The following SPIDR variants were observed in gnomAD, a reference collection of about 807,000 sequenced individuals.
The protein encoded by SPIDR is scaffold protein involved in DNA repair, also known as DNA repair-scaffolding protein.
A neutral mutation model predicts 104.6 loss-of-function variants in SPIDR; 93 were observed. That is an observed-to-expected ratio of 0.89 (90% CI 0.75 to 1.06). The LOEUF is 1.06. SPIDR is among the 50% of genes least tolerant of loss of function. The pLI is 0.00. For missense variants in SPIDR, 1,154 were observed against 1,111.2 expected (o/e 1.04, Z -0.55); for synonymous variants, 431 against 416.9 (o/e 1.03, Z -0.41).
chr8:47,321,727 G>T (rs528116140), intron 5 of SPIDR, among the ~76,000 whole-genome samples: 1 of 152,160 alleles, frequency 6.6e-6, no homozygotes. Flanking sequence ...AAACTGCATG[G>T]TACTGGTACC....
At position 47,610,897 on chromosome 8, in the gene SPIDR, T is replaced by C. The variant is rs1723649965; in HGVS notation, c.1544+11701T>C. 3.9e-5 allele frequency among the ~76,000 whole-genome samples: 6 copies of C among 152,356 alleles called. No individual in the cohort carries two copies. The South Asian group carries it at 1.2e-3, about 32-fold the overall frequency. On this transcript the variant is annotated intron_variant, in intron 10 of 19. Transcript: ENST00000297423. ...GAGACTAACAACCAGGTATTAAACA[T>C]TGCACTGATACTTGTCATTGCCTTC...
chr8:47,485,073 G>GGGGTC (rs1233301663), intron 8 of SPIDR, among the ~76,000 whole-genome samples: 1 of 152,248 alleles, frequency 6.6e-6, no homozygotes, highest in Non-Finnish European at 1.5e-5. Flanking sequence ...GGAAGTGCAA[G>GGGGTC]GGGTCAGGGA....
intron 8 of SPIDR, among the ~76,000 whole-genome samples, chr8:47,594,631 T>C (rs1333377974): frequency 6.6e-6 from 1 of 152,162 alleles, no homozygotes; most frequent in Non-Finnish European, 1.5e-5. Context: ...TAGAGCTTTT[T>C]GTCAGCACAT....
chr8:47,485,525 C>A (rs2077464767), intron 8 of SPIDR, among the ~76,000 whole-genome samples: 1 of 152,230 alleles, frequency 6.6e-6, no homozygotes, highest in African/African-American at 2.4e-5. Context: ...AGCACAGAGT[C>A]TGAGATCTGA....
chr8:47,550,340 T>C (rs565597215), intron 8 of SPIDR, among the ~76,000 whole-genome samples: 1 of 152,344 alleles, frequency 6.6e-6, no homozygotes, highest in African/African-American at 2.4e-5. Context: ...GCATTGAATC[T>C]ATAAATTACC....
At chr8:47,730,664 C>G (rs1052589294) in intron 19 of SPIDR, among the ~76,000 whole-genome samples, 2 of 152,160 alleles carry the variant, frequency 1.3e-5, no homozygotes, top group Non-Finnish European at 2.9e-5. Context: ...TCACTACAGC[C>G]TCGAACTCCT....
intron 5 of SPIDR, among the ~76,000 whole-genome samples, chr8:47,382,065 A>G (rs2059389194): frequency 6.6e-6 from 1 of 152,242 alleles, no homozygotes; most frequent in African/African-American, 2.4e-5. Context: ...ATTTCTGAAC[A>G]TTAAAGAATG....
chr8:47,327,624 G>A (rs540512698), intron 5 of SPIDR, among the ~76,000 whole-genome samples: 13 of 152,064 alleles, frequency 8.5e-5, no homozygotes, highest in African/African-American at 1.9e-4. Context: ...GTGGAGTGGC[G>A]CAATCTTGGC....
At chr8:47,589,395 G>A (rs544448583) in intron 8 of SPIDR, among the ~76,000 whole-genome samples, 41 of 151,842 alleles carry the variant, frequency 2.7e-4, no homozygotes, top group South Asian at 1.0e-3. Context: ...GGTGGCGCGC[G>A]CCTGTAGTCC....
chr8:47,398,297 A>T (rs1241513647), intron 6 of SPIDR, among the ~76,000 whole-genome samples: 1 of 152,198 alleles, frequency 6.6e-6, no homozygotes, highest in Non-Finnish European at 1.5e-5. Context: ...AGCACTGTTC[A>T]TGCACAGGAG....
rs148300905 is a variant in SPIDR at position 47,669,637 on chromosome 8, C to A, written c.1545-4164C>A. Among the ~76,000 whole-genome samples, 280 of 152,246 alleles carry A rather than the reference C, an allele frequency of 1.8e-3. 2 individuals are homozygous for A. Among genetic ancestry groups the A allele is most frequent in the Non-Finnish European group, 3.4e-3 (233 of 68,012 alleles). The stretch of plus-strand genomic sequence containing the variant: ...CATACCTCTCCCTTCTCAACACAAT[C>A]AAAAATATAGAAACTTTGTATTTGG... On this transcript the variant is annotated intron_variant, in intron 10 of 19. Transcript: ENST00000297423.
intron 8 of SPIDR, among the ~76,000 whole-genome samples, chr8:47,451,896 G>A (rs924193035): frequency 6.6e-6 from 1 of 152,064 alleles, no homozygotes; most frequent in Non-Finnish European, 1.5e-5. Flanking sequence ...GCAGCAATTA[G>A]CAATCAAAAC....
intron 8 of SPIDR, among the ~76,000 whole-genome samples, chr8:47,588,143 C>CTA (rs1335816884): frequency 3.0e-5 from 4 of 131,750 alleles, no homozygotes; most frequent in African/African-American, 1.1e-4. Context: ...TTCTTTAAGC[C>CTA]TATAGATCCA....
At chr8:47,295,262 T>C (rs2040631672) in intron 5 of SPIDR, among the ~76,000 whole-genome samples, 2 of 152,184 alleles carry the variant, frequency 1.3e-5, no homozygotes. Flanking sequence ...TAAATCTGTC[T>C]GTGTCATTTC....
intron 8 of SPIDR, among the ~76,000 whole-genome samples, chr8:47,479,492 C>G (rs2154361022): frequency 6.6e-6 from 1 of 152,326 alleles, no homozygotes; most frequent in South Asian, 2.1e-4. Flanking sequence ...ACTTCTGTCT[C>G]AAGGTCATAA....
At chr8:47,699,770 G>T (rs2079880322) in intron 11 of SPIDR, among the ~76,000 whole-genome samples, 1 of 152,190 alleles carries the variant, frequency 6.6e-6, no homozygotes, top group Non-Finnish European at 1.5e-5. Flanking sequence ...GGCCAGGCTG[G>T]TCCTGAACTG....
intron 5 of SPIDR, among the ~76,000 whole-genome samples, chr8:47,378,529 C>T (rs548490451): frequency 6.6e-6 from 1 of 152,298 alleles, no homozygotes; most frequent in South Asian, 2.1e-4. Flanking sequence ...TTCTGGCTTC[C>T]ATTATTTTCT....
chr8:47,465,501 G>A (rs1207511296), intron 8 of SPIDR, among the ~76,000 whole-genome samples: 1 of 152,212 alleles, frequency 6.6e-6, no homozygotes, highest in Non-Finnish European at 1.5e-5. Context: ...GGGAGGTCAA[G>A]GCGGGCAGAT....
intron 8 of SPIDR, among the ~76,000 whole-genome samples, chr8:47,459,243 T>C (rs892462981): frequency 1.3e-5 from 2 of 152,180 alleles, no homozygotes; most frequent in Non-Finnish European, 1.5e-5. Flanking sequence ...TCTGGTAGAA[T>C]TCAGCTGTGA....
Sources: allele counts gnomAD v4.1 joint callset (sites outside exome capture counted in the v4.1 genomes callset), GRCh38; gene constraint gnomAD v4.1.1; transcripts MANE v1.5; gene names NCBI Gene and HGNC (gene_info 2026-07-23, HGNC 2026-07-21).